Variants in ANKHD1 observed in about 807,000 individuals in gnomAD.
ANKHD1 encodes the protein ankyrin repeat and KH domain-containing protein 1.
In ANKHD1, 31 loss-of-function variants were observed where a neutral mutation model predicts 230.5. That is an observed-to-expected ratio of 0.13 (90% CI 0.10 to 0.18). ANKHD1 has a LOEUF of 0.18. Among genes scored for constraint, ANKHD1 ranks in the 10% least tolerant of loss-of-function variants. The pLI, the probability that ANKHD1 is intolerant of heterozygous loss-of-function variation, is 1.00. For missense variants in ANKHD1, 2,256 were observed against 3,071.3 expected, an observed-to-expected ratio of 0.73 and a Z score of 6.27; for synonymous variants, 1,074 against 1,117.6, an observed-to-expected ratio of 0.96 and a Z score of 0.78.
intron 24 of ANKHD1, among the ~76,000 whole-genome samples, chr5:140,515,680 G>C (rs1174744104): frequency 6.6e-6 from 1 of 152,164 alleles, no homozygotes; most frequent in Non-Finnish European, 1.5e-5. Flanking sequence ...CCCCCAGCAG[G>C]GTCAGACTGA....
chr5:140,491,993 G>T (rs1370666552), intron 14 of ANKHD1, among the ~76,000 whole-genome samples: 1 of 152,138 alleles, frequency 6.6e-6, no homozygotes, highest in Non-Finnish European at 1.5e-5. Flanking sequence ...ATTCTAGAAT[G>T]GTGGAAACGA....
chr5:140,442,411 C>T lies in ANKHD1; in HGVS notation c.913+1269C>T, dbSNP rs180749413. ...CAGAGACAATTGGAAGACAATTTTT[C>T]CACACGTGGGGGAGGGAGGAGGGGA... On this transcript the variant is annotated intron_variant, in intron 5 of 33. Coordinates refer to ENST00000360839, the MANE Select transcript of ANKHD1 (RefSeq NM_017747.3). Among the ~76,000 whole-genome samples, 817 of 152,058 alleles carry T rather than the reference C, an allele frequency of 5.4e-3. 4 individuals carry two copies. Among genetic ancestry groups the T allele is most frequent in the African/African-American group, 0.019 (776 of 41,466 alleles).
Position 140,441,016 on chromosome 5 carries a change from A to G in ANKHD1, c.787A>G (p.Asn263Asp), listed in dbSNP as rs1476311792. ...AAAGGTATTGCTTGCTATGCATGCT[A>G]ATGTTGAAGATCGAGGGAATAAAGG... ...LAQVLLAMHA[N>D]VEDRGNKGDI... Residue 263 changes from asparagine to aspartate, a missense_variant, in exon 5 of 34, where the codon AAT becomes GAT. By Grantham distance (23) the Asn-to-Asp change is conservative. Transcript: ENST00000360839. 1.2e-6 allele frequency: 2 copies of G among 1,608,784 alleles called. No individual in the cohort carries two copies. Among genetic ancestry groups the G allele is most frequent in the Non-Finnish European group, 1.7e-6 (2 of 1,178,220 alleles).
Position 140,504,901 on chromosome 5 carries a change from A to G in ANKHD1, c.3085A>G (p.Thr1029Ala). ...TCTTACACCTGAATCCTGTTCGCAG[A>G]CTACAAGCAATGTGGCTTCCCAATC... ...ECLTPESCSQ[T>A]TSNVASQSMP... Residue 1029 changes from threonine to alanine, a missense_variant, in exon 16 of 34, where the codon ACT becomes GCT. Thr to Ala is a moderately conservative substitution (Grantham distance 58). Transcript: ENST00000360839. The G allele has an allele frequency of 6.2e-7, 1 of 1,614,206 alleles. No individual in the cohort carries two copies. The highest frequency in any genetic ancestry group is 8.5e-7 in the Non-Finnish European group (1 of 1,180,030).
At chr5:140,505,437 G>A (rs1467317459) in intron 17 of ANKHD1, among the ~76,000 whole-genome samples, 1 of 152,202 alleles carries the variant, frequency 6.6e-6, no homozygotes, top group African/African-American at 2.4e-5. Context: ...TAGTGAAATA[G>A]AGCAAGTTGT....
intron 13 of ANKHD1, 118 bp from the exon 14 acceptor site, chr5:140,486,840 A>T: frequency 9.6e-7 from 1 of 1,044,624 alleles, no homozygotes; most frequent in Non-Finnish European, 1.3e-6. Flanking sequence ...AAGCTTCAGG[A>T]AACAAAAGTG....
Position 140,496,763 on chromosome 5 carries a change from A to G in ANKHD1, c.2489A>G (p.Lys830Arg). ...AAGAACAGAGAAGAGCAAGTCCAGA[A>G]GAAGAAGAAAATATTGAAAGAACTG... ...LKKNREEQVQKKKKILKELQK... is the reference protein window; with the variant it reads ...LKKNREEQVQRKKKILKELQK... The change falls in exon 15 of 34, where the codon AAG becomes AGG. Residue 830 changes from lysine to arginine, a missense_variant. Coordinates refer to ENST00000360839, the MANE Select transcript of ANKHD1 (RefSeq NM_017747.3). 1 of 1,613,982 alleles carries G rather than the reference A, an allele frequency of 6.2e-7. No homozygotes were observed. Among genetic ancestry groups the G allele is most frequent in the Non-Finnish European group, 8.5e-7 (1 of 1,179,992 alleles).
At chr5:140,452,450 C>T (rs1422419437) in intron 7 of ANKHD1, among the ~76,000 whole-genome samples, 1 of 152,130 alleles carries the variant, frequency 6.6e-6, no homozygotes, top group Admixed American at 6.5e-5. Context: ...CCCTGAGTAG[C>T]CTAACTGGGA....
At chr5:140,442,615 A>T (rs1186212647) in intron 5 of ANKHD1, among the ~76,000 whole-genome samples, 1 of 152,218 alleles carries the variant, frequency 6.6e-6, no homozygotes, top group Non-Finnish European at 1.5e-5. Context: ...ATATTTACAT[A>T]AAAGAAGACA....
chr5:140,497,305 AT>A, intron 15 of ANKHD1, 27 bp downstream of exon 15: 3 of 1,567,952 alleles, frequency 1.9e-6, no homozygotes, highest in Non-Finnish European at 1.7e-6. Flanking sequence ...ATCTGTAATA[AT>A]TTCTCTTTAA....
chr5:140,459,163 G>T lies in ANKHD1; in HGVS notation c.1481-1G>T. 2 of 1,571,720 alleles carry T rather than the reference G, an allele frequency of 1.3e-6. No individual in the cohort carries two copies. The highest frequency in any genetic ancestry group is 2.3e-5 in the East Asian group (1 of 44,112). ...TTTTATCTGTTTTTATACTTTCCTAGGAGCAAATATAAATGCCCAGACAGA... is the reference window on the plus strand; with the variant it reads ...TTTTATCTGTTTTTATACTTTCCTATGAGCAAATATAAATGCCCAGACAGA... On this transcript the variant is annotated splice_acceptor_variant, in intron 8 of 33. Transcript: ENST00000360839. LOFTEE classifies it high-confidence loss of function.
At chr5:140,416,049 G>A (rs1403866028) in intron 1 of ANKHD1, among the ~76,000 whole-genome samples, 1 of 152,086 alleles carries the variant, frequency 6.6e-6, no homozygotes, top group Non-Finnish European at 1.5e-5. Context: ...CTGGTTTTCT[G>A]TCCTTGCAAT....
At chr5:140,469,372 G>T (rs1422262614) in intron 10 of ANKHD1, among the ~76,000 whole-genome samples, 1 of 77,232 alleles carries the variant, frequency 1.3e-5, no homozygotes, top group Non-Finnish European at 3.8e-5. Flanking sequence ...TTAGCCGGGT[G>T]TGGTTGTGCG....
chr5:140,413,757 A>G (rs1771124418), intron 1 of ANKHD1, among the ~76,000 whole-genome samples: 1 of 151,748 alleles, frequency 6.6e-6, no homozygotes, highest in African/African-American at 2.4e-5. Context: ...TATTTTATTT[A>G]TCTGTTCATT....
At chr5:140,536,391 C>T (rs1200901355) in intron 30 of ANKHD1, among the ~76,000 whole-genome samples, 1 of 152,154 alleles carries the variant, frequency 6.6e-6, no homozygotes, top group East Asian at 1.9e-4. Flanking sequence ...ACCTGCCTGA[C>T]CCCTTTGTTC....
intron 10 of ANKHD1, chr5:140,472,129 C>G: frequency 1.2e-6 from 1 of 843,898 alleles, no homozygotes; most frequent in Admixed American, 2.5e-5. Context: ...GTTGAAGATC[C>G]TGAGTTAACA....
intron 1 of ANKHD1, 71 bp downstream of exon 1, chr5:140,402,344 G>C: frequency 4.3e-6 from 6 of 1,381,932 alleles, no homozygotes; most frequent in Non-Finnish European, 5.6e-6. Flanking sequence ...CTCTGGGCCG[G>C]GGCCATCCTC....
chr5:140,438,721 T>C (rs1773633456), intron 3 of ANKHD1, 104 bp downstream of exon 3: 20 of 1,401,254 alleles, frequency 1.4e-5, no homozygotes, highest in East Asian at 2.4e-5. Context: ...TTATAAACTT[T>C]AGCTGAAAGG....
chr5:140,529,290 C>T lies in ANKHD1; in HGVS notation c.6344C>T (p.Ala2115Val). The T allele has an allele frequency of 6.2e-7, 1 of 1,614,186 alleles. No individual in the cohort carries two copies. The highest frequency in any genetic ancestry group is 1.1e-5 in the South Asian group (1 of 91,084). Residue 2115 changes from alanine (A) to valine (V), a missense_variant, in exon 29 of 34, where the codon GCT becomes GTT. By Grantham distance (64) the Ala-to-Val change is moderately conservative. Coordinates refer to ENST00000360839, the MANE Select transcript of ANKHD1 (RefSeq NM_017747.3). ...LTLTSPRMVA[A>V]DNQDTSNLPQ... ...TTGACATCACCCAGAATGGTTGCTG[C>T]TGATAATCAGGACACCAGTAATTTA... is the stretch of plus-strand genomic sequence containing the variant.
Sources: gnomAD v4.1 joint callset for allele counts (sites outside exome capture counted in the v4.1 genomes callset) on GRCh38, gnomAD v4.1.1 for gene constraint, MANE v1.5 for transcripts, NCBI Gene and HGNC (gene_info 2026-07-23, HGNC 2026-07-21) for gene names.